ARHGAP24: variants seen among roughly 807,000 people sequenced by gnomAD.
The protein encoded by ARHGAP24 is rho GTPase-activating protein 24.
In ARHGAP24, 50 loss-of-function variants were observed where a neutral mutation model predicts 76.4. That is an observed-to-expected ratio of 0.65 (90% CI 0.52 to 0.83). The LOEUF (loss-of-function observed/expected upper bound fraction) is 0.83, where lower values mean the gene tolerates loss of function less well. Ranked by LOEUF, ARHGAP24 falls within the 40% of genes least tolerant of loss-of-function variation. The pLI is 0.00. For synonymous variants in ARHGAP24, 345 were observed against 323.3 expected, an observed-to-expected ratio of 1.07 and a Z score of -0.72; for missense variants, 930 against 914.2, an observed-to-expected ratio of 1.02 and a Z score of -0.22.
chr4:85,735,544 AT>A, intron 3 of ARHGAP24, among the ~76,000 whole-genome samples: 1 of 152,082 alleles, frequency 6.6e-6, no homozygotes, highest in East Asian at 1.9e-4. Context: ...CACATTCTTC[AT>A]TTGGCTTTTA....
intron 3 of ARHGAP24, among the ~76,000 whole-genome samples, chr4:85,804,480 A>G (rs561169337): frequency 6.6e-6 from 1 of 152,324 alleles, no homozygotes; most frequent in South Asian, 2.1e-4. Flanking sequence ...AACTGAAAGG[A>G]GGTCATTTTC....
intron 3 of ARHGAP24, among the ~76,000 whole-genome samples, chr4:85,728,643 T>A (rs1435150852): frequency 1.3e-5 from 2 of 152,180 alleles, no homozygotes; most frequent in Non-Finnish European, 2.9e-5. Flanking sequence ...GGCTGTAAAA[T>A]TTTTAATTTA....
At chr4:85,632,532 A>G (rs1721189733) in intron 2 of ARHGAP24, among the ~76,000 whole-genome samples, 1 of 150,960 alleles carries the variant, frequency 6.6e-6, no homozygotes, top group Admixed American at 6.6e-5. Context: ...TAGCTTATAC[A>G]TACTTGTTAA....
chr4:85,961,507 T>C (rs969951636), intron 5 of ARHGAP24, among the ~76,000 whole-genome samples: 3 of 150,866 alleles, frequency 2.0e-5, no homozygotes, highest in Admixed American at 1.3e-4. Flanking sequence ...GAAGAAAATA[T>C]ATTTTCTAGA....
At chr4:85,912,007 C>T (rs973596935) in intron 3 of ARHGAP24, among the ~76,000 whole-genome samples, 1 of 152,038 alleles carries the variant, frequency 6.6e-6, no homozygotes, top group Non-Finnish European at 1.5e-5. Flanking sequence ...ATAGGTGAGT[C>T]CCATTACAAT....
At chr4:85,863,348 T>A (rs921516401) in intron 3 of ARHGAP24, among the ~76,000 whole-genome samples, 16 of 152,086 alleles carry the variant, frequency 1.1e-4, no homozygotes, top group Non-Finnish European at 2.1e-4. Context: ...CAGAACCCGA[T>A]TAATTTCCTT....
chr4:85,899,436 T>C (rs1734373969), intron 3 of ARHGAP24, among the ~76,000 whole-genome samples: 1 of 152,342 alleles, frequency 6.6e-6, no homozygotes, highest in Non-Finnish European at 1.5e-5. Flanking sequence ...AGGTCACTAA[T>C]TCTTTTCTTT....
intron 3 of ARHGAP24, among the ~76,000 whole-genome samples, chr4:85,858,421 G>A (rs905877875): frequency 5.9e-5 from 9 of 152,058 alleles, no homozygotes; most frequent in African/African-American, 2.2e-4. Flanking sequence ...TTTCAATAAT[G>A]GGATACTAGT....
intron 3 of ARHGAP24, among the ~76,000 whole-genome samples, chr4:85,734,484 G>A (rs370490046): frequency 1.3e-3 from 204 of 152,196 alleles, no homozygotes; most frequent in African/African-American, 4.6e-3. Flanking sequence ...GAAAGCCAAA[G>A]GGAGCACTTG....
intron 3 of ARHGAP24, among the ~76,000 whole-genome samples, chr4:85,915,292 C>T (rs1735317944): frequency 6.6e-6 from 1 of 152,140 alleles, no homozygotes; most frequent in South Asian, 2.1e-4. Context: ...GAAATATAAA[C>T]TTAGCCTATT....
chr4:85,894,666 A>C (rs973568249), intron 3 of ARHGAP24, among the ~76,000 whole-genome samples: 2 of 152,164 alleles, frequency 1.3e-5, no homozygotes, highest in Non-Finnish European at 2.9e-5. Flanking sequence ...AAATGATATA[A>C]TGGACTTTGG....
intron 2 of ARHGAP24, among the ~76,000 whole-genome samples, chr4:85,688,231 A>T (rs1484014335): frequency 1.3e-5 from 2 of 152,196 alleles, no homozygotes; most frequent in Non-Finnish European, 2.9e-5. Flanking sequence ...CCTCCTGAGC[A>T]TCTGTTATTT....
intron 2 of ARHGAP24, among the ~76,000 whole-genome samples, chr4:85,606,297 A>G (rs1720190160): frequency 6.6e-6 from 1 of 152,122 alleles, no homozygotes; most frequent in Non-Finnish European, 1.5e-5. Context: ...GCAGATCATG[A>G]GGTCATGAGA....
chr4:85,963,848 T>G (rs191847695), intron 5 of ARHGAP24, among the ~76,000 whole-genome samples: 1 of 152,278 alleles, frequency 6.6e-6, no homozygotes, highest in Admixed American at 6.5e-5. Flanking sequence ...ACAATTCATT[T>G]TGTTTGTTAT....
chr4:85,690,318 G>A (rs1723585355), intron 2 of ARHGAP24, among the ~76,000 whole-genome samples: 1 of 152,144 alleles, frequency 6.6e-6, no homozygotes, highest in Non-Finnish European at 1.5e-5. Flanking sequence ...GCTGATTCCA[G>A]CTCATAGAAT....
In ARHGAP24 at chr4:85,750,739, C is replaced by T. The variant is rs1005394481; in HGVS notation, c.268+28767C>T. Reference sequence around the variant, plus strand: ...TTGAATTCCTGACCCATCAGGTGATCCACCCACCTCAGCCTCCCAAAGTGC... The same window carrying T: ...TTGAATTCCTGACCCATCAGGTGATTCACCCACCTCAGCCTCCCAAAGTGC... On this transcript the variant is annotated intron_variant, in intron 3 of 9. Coordinates refer to ENST00000395184, the MANE Select transcript of ARHGAP24 (RefSeq NM_001025616.3). Among the ~76,000 whole-genome samples the T allele has an allele frequency of 3.3e-5, 5 of 151,900 alleles. No homozygotes were observed. The East Asian group carries it at 9.7e-4, about 29-fold the overall frequency.
intron 3 of ARHGAP24, among the ~76,000 whole-genome samples, chr4:85,839,536 T>C (rs28582783): frequency 0.011 from 1,687 of 152,242 alleles, 30 homozygotes; most frequent in African/African-American, 0.038. Flanking sequence ...CTGCAACCTC[T>C]GCCTCCTGGG....
chr4:85,573,222 C>A (rs1422004265), intron 2 of ARHGAP24, among the ~76,000 whole-genome samples: 1 of 152,098 alleles, frequency 6.6e-6, no homozygotes, highest in Non-Finnish European at 1.5e-5. Flanking sequence ...AACTTTCATA[C>A]AATTCAAGCA....
intron 4 of ARHGAP24, among the ~76,000 whole-genome samples, chr4:85,941,374 A>G (rs1736936342): frequency 6.6e-6 from 1 of 152,186 alleles, no homozygotes; most frequent in Admixed American, 6.5e-5. Flanking sequence ...TGTACTGCCA[A>G]TTCTAAACAA....
Sources: allele counts gnomAD v4.1 joint callset (sites outside exome capture counted in the v4.1 genomes callset), GRCh38; gene constraint gnomAD v4.1.1; transcripts MANE v1.5; gene names NCBI Gene and HGNC (gene_info 2026-07-23, HGNC 2026-07-21).